Variants in DOCK10 observed in about 807,000 individuals in gnomAD.
DOCK10 encodes the protein dedicator of cytokinesis protein 10.
In DOCK10, 145 loss-of-function variants were observed where a neutral mutation model predicts 280.1. The ratio of observed to expected loss-of-function variants is 0.52; its 90% CI spans 0.45 to 0.59. DOCK10 has a LOEUF of 0.59. Ranked by LOEUF, DOCK10 falls within the 20% of genes least tolerant of loss-of-function variation. The pLI is 0.00. For synonymous variants in DOCK10, 915 were observed against 942.2 expected (o/e 0.97, Z 0.53); for missense variants, 2,368 against 2,651.7 (o/e 0.89, Z 2.35).
rs1350872410 is a variant in DOCK10, at chr2:224,886,896, A to ACCCCCC, written c.417-366_417-365insGGGGGG. Among the ~76,000 whole-genome samples, 2 of 130,246 alleles carry ACCCCCC rather than the reference A, an allele frequency of 1.5e-5. 1 individual carries two copies. Among genetic ancestry groups the ACCCCCC allele is most frequent in the African/African-American group, 6.5e-5 (2 of 30,884 alleles). The allele number at this position is 130,246 out of a possible 152,430, so 85.4% of individuals were successfully genotyped here. On this transcript the variant is annotated intron_variant, in intron 4 of 55. Coordinates refer to ENST00000258390, the MANE Select transcript of DOCK10 (RefSeq NM_014689.3). Reference sequence around the variant, plus strand: ...CATGCAGCACCCCCAACACCCCCCCAAGTAGTACCTGGGATTACAGGCATG... The same window carrying ACCCCCC: ...CATGCAGCACCCCCAACACCCCCCCACCCCCCAGTAGTACCTGGGATTACAGGCATG...
At chr2:225,011,377 A>G (rs683755) in intron 1 of DOCK10, among the ~76,000 whole-genome samples, 129,605 of 152,110 alleles carry the variant, frequency 0.85, 55,671 homozygotes, top group African/African-American at 0.96. Flanking sequence ...GACTCTTTCC[A>G]TAGCCAGAGA....
intron 1 of DOCK10, among the ~76,000 whole-genome samples, chr2:224,953,274 A>G (rs1241546297): frequency 6.6e-6 from 1 of 152,212 alleles, no homozygotes; most frequent in East Asian, 1.9e-4. Context: ...TCATTATCGC[A>G]GAATGCTTGG....
intron 2 of DOCK10, among the ~76,000 whole-genome samples, chr2:224,923,497 C>T (rs1046040735): frequency 2.0e-5 from 3 of 152,184 alleles, no homozygotes; most frequent in African/African-American, 7.2e-5. Context: ...ACCTACTGCA[C>T]CAGGACCTCC....
chr2:224,826,963 C>G (rs1359516465), intron 27 of DOCK10, among the ~76,000 whole-genome samples: 1 of 146,860 alleles, frequency 6.8e-6, no homozygotes, highest in Admixed American at 6.8e-5. Context: ...GACCGTGTAT[C>G]AAGGGGAAAA....
intron 1 of DOCK10, among the ~76,000 whole-genome samples, chr2:224,938,118 T>C (rs945445913): frequency 1.3e-5 from 2 of 152,206 alleles, no homozygotes; most frequent in African/African-American, 4.8e-5. Flanking sequence ...TGGTTCTCTT[T>C]TTCAGAAAAC....
chr2:224,765,425 A>G lies in DOCK10; in HGVS notation c.*296T>C, dbSNP rs912107742. On this transcript the variant is annotated 3_prime_UTR_variant, in exon 56 of 56. Transcript: ENST00000258390. ...TAACCTTTAAAATATGTGTACTAGG[A>G]CTGGGGTACTGACCATACAATAACT... 1.1e-4 allele frequency: 29 copies of G among 264,950 alleles called. No individual in the cohort carries two copies. Among genetic ancestry groups the G allele is most frequent in the Admixed American group, 5.0e-5 (1 of 19,940 alleles). The allele number at this position is 264,950 out of a possible 1,614,324, so 16.4% of individuals were successfully genotyped here.
At chr2:224,890,415 T>C (rs1010438932) in intron 4 of DOCK10, among the ~76,000 whole-genome samples, 2 of 152,224 alleles carry the variant, frequency 1.3e-5, no homozygotes, top group East Asian at 3.8e-4. Context: ...GCTAAATGCT[T>C]GTGAAAGTTT....
intron 55 of DOCK10, among the ~76,000 whole-genome samples, chr2:224,769,732 C>T (rs1275941661): frequency 2.0e-5 from 3 of 152,240 alleles, no homozygotes; most frequent in Non-Finnish European, 4.4e-5. Context: ...GAATTCTGCA[C>T]ATCTGCAGGA....
intron 3 of DOCK10, among the ~76,000 whole-genome samples, chr2:224,903,701 C>T (rs1197140236): frequency 6.6e-6 from 1 of 152,112 alleles, no homozygotes; most frequent in Non-Finnish European, 1.5e-5. Context: ...ATTTTAGGTT[C>T]AAACTTAAAA....
intron 1 of DOCK10, among the ~76,000 whole-genome samples, chr2:224,974,986 G>C (rs1422879216): frequency 1.3e-5 from 2 of 150,338 alleles, no homozygotes; most frequent in African/African-American, 4.9e-5. Flanking sequence ...ACCGATACTT[G>C]GTTTTCCGAT....
chr2:224,984,522 A>G (rs779155342), intron 1 of DOCK10, among the ~76,000 whole-genome samples: 1 of 152,112 alleles, frequency 6.6e-6, no homozygotes, highest in Non-Finnish European at 1.5e-5. Context: ...TCTCTCTCTC[A>G]TTCTGTCTCC....
chr2:224,945,684 T>G (rs528316136), intron 1 of DOCK10, among the ~76,000 whole-genome samples: 1 of 152,034 alleles, frequency 6.6e-6, no homozygotes, highest in Non-Finnish European at 1.5e-5. Flanking sequence ...TGTGCATATA[T>G]ATATATATAA....
At chr2:224,840,101 A>G in intron 23 of DOCK10, 29 bp from the exon 24 acceptor site, 1 of 1,109,138 alleles carries the variant, frequency 9.0e-7, no homozygotes, top group Non-Finnish European at 1.3e-6. Flanking sequence ...AAAAAAGGAT[A>G]CCAATTAAAT....
At chr2:225,017,341 T>C (rs1287389561) in intron 1 of DOCK10, among the ~76,000 whole-genome samples, 1 of 151,910 alleles carries the variant, frequency 6.6e-6, no homozygotes, top group Non-Finnish European at 1.5e-5. Context: ...CCACTGTTCA[T>C]GTAAAGAATT....
At position 224,770,766 on chromosome 2, in the gene DOCK10, G is replaced by T; in HGVS notation, c.6205-121C>A. 1 of 689,034 alleles carries T rather than the reference G, an allele frequency of 1.5e-6. No individual in the cohort carries two copies. Among genetic ancestry groups the T allele is most frequent in the Non-Finnish European group, 2.6e-6 (1 of 390,548 alleles). The allele number at this position is 689,034 out of a possible 1,614,324, so 42.7% of individuals were successfully genotyped here. A position where few individuals can be genotyped will look rare whatever the true frequency, so the allele number is the denominator to read the frequency against. On this transcript the variant is annotated intron_variant, in intron 53 of 55. Transcript: ENST00000258390. The surrounding 1 kb of genome is among the most constrained non-coding windows in gnomAD (Gnocchi z 4.5). Reference sequence around the variant, plus strand: ...CCCCCATCTCACACCCTGCCTTCTAGTCCACTCATTTGTATACCTGACTTA... The same window carrying T: ...CCCCCATCTCACACCCTGCCTTCTATTCCACTCATTTGTATACCTGACTTA...
At chr2:224,801,282 CAAAAAAAA>C (rs3083075) in intron 40 of DOCK10, among the ~76,000 whole-genome samples, 1 of 74,646 alleles carries the variant, frequency 1.3e-5, no homozygotes, top group African/African-American at 5.5e-5. Flanking sequence ...CAAGACATGG[CAAAAAAAA>C]AAAAAAAAAA....
chr2:224,978,364 C>T (rs975707597), intron 1 of DOCK10, among the ~76,000 whole-genome samples: 3 of 151,968 alleles, frequency 2.0e-5, no homozygotes, highest in Non-Finnish European at 4.4e-5. Flanking sequence ...ACCCTGGAAG[C>T]GGAGGTTGCA....
rs991471278 is a variant in DOCK10 at position 225,035,629 on chromosome 2, C to T, written c.123+6623G>A. Among the ~76,000 whole-genome samples, 5 of 120,080 alleles carry T rather than the reference C, an allele frequency of 4.2e-5. 1 individual carries two copies. The highest frequency in any genetic ancestry group is 2.6e-4 in the South Asian group (1 of 3,840). 78.8% of individuals were successfully genotyped at this position (120,080 alleles called of 152,430 possible). On this transcript the variant is annotated intron_variant, in intron 1 of 55. Transcript: ENST00000258390. ...TAATTGTGTGTTGTATTAGTCAGTG[C>T]GGGCTGCCATAATAACCAAAGAATC...
chr2:224,776,011 A>ATT lies in DOCK10; in HGVS notation c.5803-898_5803-897dup, dbSNP rs58426729. On this transcript the variant is annotated intron_variant, in intron 51 of 55. Coordinates refer to ENST00000258390, the MANE Select transcript of DOCK10 (RefSeq NM_014689.3). Reference sequence around the variant, plus strand: ...TTATCTGTAACAAGTCATCCCATGCATTTTTTTTTTTTTTTAAACAAACTG... The same window carrying ATT: ...TTATCTGTAACAAGTCATCCCATGCATTTTTTTTTTTTTTTTTAAACAAACTG... 9.7e-5 allele frequency among the ~76,000 whole-genome samples: 14 copies of ATT among 144,332 alleles called. No homozygotes were observed. The East Asian group carries it at 2.8e-3, about 29-fold the overall frequency. The allele number at this position is 144,332 out of a possible 152,430, so 94.7% of individuals were successfully genotyped here.
Sources: allele counts gnomAD v4.1 joint callset (sites outside exome capture counted in the v4.1 genomes callset), GRCh38; gene constraint gnomAD v4.1.1; non-coding constraint Gnocchi (gnomAD v3.1); transcripts MANE v1.5; gene names NCBI Gene and HGNC (gene_info 2026-07-23, HGNC 2026-07-21).